Variants in RHOQ observed in about 807,000 individuals in gnomAD.
RHOQ encodes the protein rho-related GTP-binding protein RhoQ.
In RHOQ, 7 loss-of-function variants were observed where a neutral mutation model predicts 25.8. The observed-to-expected ratio is 0.27, with a 90% CI of 0.15 to 0.51. RHOQ has a LOEUF of 0.51. Ranked by LOEUF, RHOQ falls within the 20% of genes least tolerant of loss-of-function variation. The pLI is 0.97. For missense variants in RHOQ, 165 were observed against 260.6 expected (o/e 0.63, Z 2.53); for synonymous variants, 97 against 98.6 (o/e 0.98, Z 0.10).
chr2:46,562,211 C>G (rs908244507), intron 2 of RHOQ, among the ~76,000 whole-genome samples: 2 of 152,124 alleles, frequency 1.3e-5, no homozygotes, highest in Non-Finnish European at 2.9e-5. Context: ...CCCACTGCTG[C>G]CAGCCCAACT....
In RHOQ at chr2:46,583,377, T is replaced by C. The variant is rs139698477; in HGVS notation, c.*2294T>C. 2.9e-4 allele frequency among the ~76,000 whole-genome samples: 44 copies of C among 152,266 alleles called. No individual in the cohort carries two copies. Among genetic ancestry groups the C allele is most frequent in the African/African-American group, 1.0e-3 (43 of 41,574 alleles). On this transcript the variant is annotated 3_prime_UTR_variant, in exon 5 of 5. Transcript: ENST00000238738. ...TCTCCCATTTATCACAGTAATTTTC[T>C]TATTCACAGTAATCATTGTTGGATG...
Position 46,552,478 on chromosome 2 carries a change from C to G in RHOQ, c.201+8666C>G, listed in dbSNP as rs552147203. 6.6e-6 allele frequency among the ~76,000 whole-genome samples: 1 copy of G among 152,340 alleles called. No individual in the cohort carries two copies. Among genetic ancestry groups the G allele is most frequent in the Admixed American group, 6.5e-5 (1 of 15,310 alleles). ...ACCTCAGGCCTTTCCTTTCTCCCTT[C>G]AAGGATTTTCTTATTCAGGGGAAGC... is the stretch of plus-strand genomic sequence containing the variant. On this transcript the variant is annotated intron_variant, in intron 2 of 4. Coordinates refer to ENST00000238738, the MANE Select transcript of RHOQ (RefSeq NM_012249.4). This position sits in a 1 kb window ranked among gnomAD's most constrained non-coding sequence, Gnocchi z 5.0.
chr2:46,553,288 A>C (rs1459509021), intron 2 of RHOQ, among the ~76,000 whole-genome samples: 1 of 151,628 alleles, frequency 6.6e-6, no homozygotes, highest in African/African-American at 2.4e-5. Flanking sequence ...CTGTCCCTGG[A>C]GTGCAGAGAA....
chr2:46,544,286 A>G (rs1289332202), intron 2 of RHOQ, among the ~76,000 whole-genome samples: 6 of 152,110 alleles, frequency 3.9e-5, no homozygotes, highest in Non-Finnish European at 2.9e-5. Flanking sequence ...TTACAACATC[A>G]TTGCACTCTG....
At chr2:46,565,861 G>A (rs941835902) in intron 2 of RHOQ, among the ~76,000 whole-genome samples, 6 of 152,332 alleles carry the variant, frequency 3.9e-5, no homozygotes, top group African/African-American at 1.2e-4. Flanking sequence ...AGAGGCAATC[G>A]TATTACAGTA....
At chr2:46,578,269 A>C (rs1463563697) in intron 4 of RHOQ, among the ~76,000 whole-genome samples, 1 of 152,178 alleles carries the variant, frequency 6.6e-6, no homozygotes, top group Non-Finnish European at 1.5e-5. Context: ...CATTGAATCA[A>C]AGCAGTCTTG....
At chr2:46,571,403 G>A (rs1455548925) in intron 2 of RHOQ, among the ~76,000 whole-genome samples, 1 of 152,240 alleles carries the variant, frequency 6.6e-6, no homozygotes, top group Non-Finnish European at 1.5e-5. Flanking sequence ...CAGGCACATT[G>A]TGGGCACTGC....
At chr2:46,545,392 A>G (rs1283030056) in intron 2 of RHOQ, among the ~76,000 whole-genome samples, 1 of 152,130 alleles carries the variant, frequency 6.6e-6, no homozygotes, top group Non-Finnish European at 1.5e-5. Flanking sequence ...TGACCATGAT[A>G]ATTTTTGACC....
At chr2:46,545,004 C>T (rs1668000223) in intron 2 of RHOQ, among the ~76,000 whole-genome samples, 1 of 152,122 alleles carries the variant, frequency 6.6e-6, no homozygotes, top group African/African-American at 2.4e-5. Context: ...CTGAAACATG[C>T]CTTATTGAGG....
At chr2:46,550,239 TAA>T (rs201834273) in intron 2 of RHOQ, among the ~76,000 whole-genome samples, 15 of 139,846 alleles carry the variant, frequency 1.1e-4, no homozygotes, top group Non-Finnish European at 1.1e-4. Flanking sequence ...CGTGTTTATT[TAA>T]AAAAAAAAAA....
chr2:46,563,941 C>G (rs572609573), intron 2 of RHOQ, among the ~76,000 whole-genome samples: 4 of 151,966 alleles, frequency 2.6e-5, no homozygotes, highest in African/African-American at 7.2e-5. Context: ...TGGGCCACCA[C>G]GCCCAGCCCC....
rs1029330742 is a variant in RHOQ, at chr2:46,576,652, A to C, written c.458A>C (p.Lys153Thr). 12 of 1,572,840 alleles carry C rather than the reference A, an allele frequency of 7.6e-6. No individual in the cohort carries two copies. Among genetic ancestry groups the C allele is most frequent in the Non-Finnish European group, 1.0e-5 (12 of 1,149,014 alleles). Residue 153 changes from lysine (K) to threonine (T), a missense_variant, in exon 4 of 5, where the codon AAA (lysine) becomes ACA (threonine). Lys to Thr is a moderately conservative substitution (Grantham distance 78). Transcript: ENST00000238738. The surrounding 1 kb of genome is among the most constrained non-coding windows in gnomAD (Gnocchi z 5.1). ...ICVEQGQKLA[K>T]EIGACCYVEC... The stretch of plus-strand genomic sequence containing the variant: ...GTGGAACAAGGACAGAAACTAGCAA[A>C]AGAGGTAATGGAACACTCACAGAAT...
intron 2 of RHOQ, among the ~76,000 whole-genome samples, chr2:46,571,326 C>T (rs1305374986): frequency 1.3e-5 from 2 of 152,208 alleles, no homozygotes; most frequent in Non-Finnish European, 2.9e-5. Context: ...TGCACGTTCC[C>T]ACACCAGCCT....
intron 2 of RHOQ, among the ~76,000 whole-genome samples, chr2:46,550,455 A>G (rs1668205895): frequency 6.6e-6 from 1 of 152,224 alleles, no homozygotes; most frequent in African/African-American, 2.4e-5. Flanking sequence ...ACACAGGCCC[A>G]GGGGCCTTAG....
intron 2 of RHOQ, among the ~76,000 whole-genome samples, chr2:46,551,327 G>A (rs566294178): frequency 6.6e-6 from 1 of 152,138 alleles, no homozygotes. Context: ...TACTCCACCC[G>A]ATGTGTGCTG....
Position 46,583,850 on chromosome 2 carries a change from G to A in RHOQ, c.*2767G>A, listed in dbSNP as rs568171311. 6.6e-6 allele frequency among the ~76,000 whole-genome samples: 1 copy of A among 152,162 alleles called. No individual in the cohort carries two copies. The highest frequency in any genetic ancestry group is 6.5e-5 in the Admixed American group (1 of 15,268). ...CACTGCCTCAAATAAGGCCATGTAT[G>A]AATGAACTTACAAGATATTTGAGTT... On this transcript the variant is annotated 3_prime_UTR_variant, in exon 5 of 5. Coordinates refer to ENST00000238738, the MANE Select transcript of RHOQ (RefSeq NM_012249.4).
At position 46,543,196 on chromosome 2, in the gene RHOQ, T is replaced by A; in HGVS notation, c.142+8T>A. 6.2e-7 allele frequency: 1 copy of A among 1,611,446 alleles called. No individual in the cohort carries two copies. Among genetic ancestry groups the A allele is most frequent in the Non-Finnish European group, 8.5e-7 (1 of 1,179,118 alleles). On this transcript the variant is annotated splice_region_variant and intron_variant, in intron 1 of 4. Coordinates refer to ENST00000238738, the MANE Select transcript of RHOQ (RefSeq NM_012249.4). The stretch of plus-strand genomic sequence containing the variant: ...TCTTCGACCACTACGCAGGTAAGCC[T>A]CGGAACTGCTGACTAAGGGGCCGCT...
chr2:46,543,309 C>G lies in RHOQ; in HGVS notation c.142+121C>G, dbSNP rs1346889850. On this transcript the variant is annotated intron_variant, in intron 1 of 4. Coordinates refer to ENST00000238738, the MANE Select transcript of RHOQ (RefSeq NM_012249.4). Reference sequence around the variant, plus strand: ...CTCCTCTCCCCTCCCCCGCCGCGCCCTCTGCCAGGCGGCCGGCCCCACCCC... The same window carrying G: ...CTCCTCTCCCCTCCCCCGCCGCGCCGTCTGCCAGGCGGCCGGCCCCACCCC... 2.6e-6 allele frequency: 3 copies of G among 1,162,246 alleles called. No homozygotes were observed. In the East Asian group the frequency reaches 7.6e-5, roughly 29 times the overall value. 72.0% of individuals were successfully genotyped at this position (1,162,246 alleles called of 1,614,324 possible). A position where few individuals can be genotyped will look rare whatever the true frequency, so the allele number is the denominator to read the frequency against.
chr2:46,554,896 G>A (rs1668365107), intron 2 of RHOQ, among the ~76,000 whole-genome samples: 2 of 151,476 alleles, frequency 1.3e-5, no homozygotes, highest in African/African-American at 4.9e-5. Context: ...GCCCCCTCTA[G>A]GAGCAGCCAC....
Sources: gnomAD v4.1 joint callset for allele counts (sites outside exome capture counted in the v4.1 genomes callset) on GRCh38, gnomAD v4.1.1 for gene constraint, Gnocchi (gnomAD v3.1) non-coding constraint, MANE v1.5 for transcripts, NCBI Gene and HGNC (gene_info 2026-07-23, HGNC 2026-07-21) for gene names.